USP47: variants seen among roughly 807,000 people sequenced by gnomAD.
USP47 encodes ubiquitin carboxyl-terminal hydrolase 47.
Under a neutral mutation model 165.1 loss-of-function variants are expected in USP47, and 35 were observed. The ratio of observed to expected loss-of-function variants is 0.21; its 90% CI spans 0.16 to 0.28. The LOEUF (loss-of-function observed/expected upper bound fraction) is 0.28. USP47 is among the 10% of genes least tolerant of loss of function. USP47 has a pLI of 1.00. For synonymous variants in USP47, 531 were observed against 544.5 expected (o/e 0.98, Z 0.35); for missense variants, 1,277 against 1,607.4 (o/e 0.79, Z 3.52).
intron 8 of USP47, among the ~76,000 whole-genome samples, chr11:11,910,091 T>G (rs1852851759): frequency 6.6e-6 from 1 of 152,166 alleles, no homozygotes; most frequent in Non-Finnish European, 1.5e-5. Flanking sequence ...GGGAACAAGT[T>G]TAAAAAGTGG....
Position 11,948,150 on chromosome 11 carries a change from A to G in USP47, c.3267+30A>G, listed in dbSNP as rs202188556. Reference sequence around the variant, plus strand: ...ATTAAAATAATCTTCGAGTAGTTAGAGTCTATTTTAAATGATAGATTTGAG... The same window carrying G: ...ATTAAAATAATCTTCGAGTAGTTAGGGTCTATTTTAAATGATAGATTTGAG... On this transcript the variant is annotated intron_variant, in intron 21 of 27. Transcript: ENST00000527733. 7 of 1,583,414 alleles carry G rather than the reference A, an allele frequency of 4.4e-6. No homozygotes were observed. The Admixed American group carries it at 1.1e-4, about 25-fold the overall frequency.
At chr11:11,888,078 A>G (rs1334242468) in intron 3 of USP47, among the ~76,000 whole-genome samples, 1 of 152,178 alleles carries the variant, frequency 6.6e-6, no homozygotes, top group East Asian at 1.9e-4. Context: ...TAAGAAAGAA[A>G]TTTATAGCAC....
In USP47 at chr11:11,930,133, C is replaced by T; in HGVS notation, c.1595+13C>T. On this transcript the variant is annotated intron_variant, in intron 13 of 27. Transcript: ENST00000527733. ...GTGCTTTCGCAAGGTAAGCAATTTC[C>T]TAATTTTCAGTGTTTAAAAGTTAGA... The T allele has an allele frequency of 1.2e-6, 2 of 1,604,006 alleles. No homozygotes were observed. Among genetic ancestry groups the T allele is most frequent in the Non-Finnish European group, 1.7e-6 (2 of 1,171,480 alleles).
intron 1 of USP47, among the ~76,000 whole-genome samples, chr11:11,858,926 C>A (rs966997085): frequency 1.3e-5 from 2 of 152,150 alleles, no homozygotes; most frequent in African/African-American, 4.8e-5. Flanking sequence ...TAAAACACTG[C>A]CAAACTCTTT....
At chr11:11,913,258 C>CAAAAAAAAAAA (rs796881838) in intron 8 of USP47, among the ~76,000 whole-genome samples, 1 of 79,298 alleles carries the variant, frequency 1.3e-5, no homozygotes, top group Non-Finnish European at 2.5e-5. Flanking sequence ...ATCCCTTGTA[C>CAAAAAAAAAAA]AAAAAAAAAA....
chr11:11,887,527 A>G (rs981762152), intron 3 of USP47, among the ~76,000 whole-genome samples: 27 of 152,228 alleles, frequency 1.8e-4, no homozygotes, highest in African/African-American at 6.5e-4. Context: ...AGAGCTAACT[A>G]TCCTAAATAT....
At chr11:11,879,000 A>G (rs930560436) in intron 1 of USP47, among the ~76,000 whole-genome samples, 2 of 152,202 alleles carry the variant, frequency 1.3e-5, no homozygotes, top group African/African-American at 4.8e-5. Context: ...TGTAGAGATC[A>G]TATTTCTGAA....
Position 11,942,716 on chromosome 11 carries a change from G to A in USP47, c.2695G>A (p.Ala899Thr). ...ACCTCTCAATGAGAGGGACTCTTCA[G>A]CATCAGTGGATAATAGAGAACTTGA... ...ESPLNERDSS[A>T]SVDNRELEQH... Residue 899 changes from alanine (A) to threonine (T), a missense_variant, in exon 20 of 28, where the codon GCA becomes ACA. This residue lies in a region of USP47 where 909 missense variants were observed against 1,068.1 expected (regional missense o/e 0.85). Transcript: ENST00000527733. 1 of 1,613,630 alleles carries A rather than the reference G, an allele frequency of 6.2e-7. No individual in the cohort carries two copies. Among genetic ancestry groups the A allele is most frequent in the South Asian group, 1.1e-5 (1 of 91,074 alleles).
intron 1 of USP47, among the ~76,000 whole-genome samples, chr11:11,862,274 A>AAT (rs1383592681): frequency 1.5e-4 from 23 of 152,190 alleles, no homozygotes; most frequent in Admixed American, 1.5e-3. Context: ...TTTCTGAATG[A>AAT]ATATATTTTG....
At chr11:11,863,106 A>G (rs1219590138) in intron 1 of USP47, among the ~76,000 whole-genome samples, 1 of 152,180 alleles carries the variant, frequency 6.6e-6, no homozygotes, top group Non-Finnish European at 1.5e-5. Context: ...TATAGTTTGC[A>G]TTATTTTCCG....
chr11:11,945,096 T>C (rs1030640577), intron 20 of USP47, among the ~76,000 whole-genome samples: 4 of 152,192 alleles, frequency 2.6e-5, no homozygotes, highest in Non-Finnish European at 5.9e-5. Flanking sequence ...CTACAACTTA[T>C]GTATTTGGGC....
chr11:11,872,813 A>G (rs1850154293), intron 1 of USP47, among the ~76,000 whole-genome samples: 1 of 152,206 alleles, frequency 6.6e-6, no homozygotes, highest in Non-Finnish European at 1.5e-5. Flanking sequence ...CTTAAGGAAA[A>G]ATTATACAAA....
chr11:11,875,069 G>A (rs1047247339), intron 1 of USP47, among the ~76,000 whole-genome samples: 8 of 139,002 alleles, frequency 5.8e-5, no homozygotes, highest in Admixed American at 2.1e-4. Flanking sequence ...GTGTGTGTGT[G>A]TGTGTGTGTG....
At chr11:11,921,333 C>G (rs1036128084) in intron 10 of USP47, among the ~76,000 whole-genome samples, 28 of 151,288 alleles carry the variant, frequency 1.9e-4, no homozygotes, top group East Asian at 5.8e-4. Flanking sequence ...TAAACATTCA[C>G]TAAGTTTTAT....
chr11:11,949,704 TA>T (rs1419435733), intron 22 of USP47, among the ~76,000 whole-genome samples, 184 bp from the exon 23 acceptor site: 2 of 152,192 alleles, frequency 1.3e-5, no homozygotes, highest in Non-Finnish European at 2.9e-5. Context: ...AGATTTTAAG[TA>T]AACTTGCCCA....
intron 3 of USP47, chr11:11,884,811 T>C: frequency 2.7e-6 from 1 of 369,932 alleles, no homozygotes. Context: ...ATTTAACATA[T>C]ACTGCTGTCT....
Position 11,956,067 on chromosome 11 carries a change from C to T in USP47, c.3960C>T (p.Ser1320=). The T allele has an allele frequency of 6.2e-7, 1 of 1,603,006 alleles. No individual in the cohort carries two copies. The highest frequency in any genetic ancestry group is 8.5e-7 in the Non-Finnish European group (1 of 1,176,678). The change falls in exon 28 of 28, where the codon AGC becomes AGT. Residue 1320 remains serine, a synonymous_variant. Coordinates refer to ENST00000527733, the MANE Select transcript of USP47 (RefSeq NM_001282659.2). ...GAAATGAACTGATGAAAAAAGAAAG[C>T]AGTCGACTCCAGAAGACTGGACATC... ...EQRNELMKKE[S]SRLQKTGHRV...
chr11:11,937,291 G>T (rs1326659527), intron 17 of USP47, among the ~76,000 whole-genome samples: 1 of 151,830 alleles, frequency 6.6e-6, no homozygotes, highest in African/African-American at 2.4e-5. Context: ...TAACTCCTTT[G>T]CATCAGTGGT....
chr11:11,922,956 C>G (rs750120712), intron 11 of USP47, 65 bp downstream of exon 11: 32 of 1,475,796 alleles, frequency 2.2e-5, no homozygotes, highest in Non-Finnish European at 2.8e-5. Context: ...CTATATAATT[C>G]TATAGCTGTT....
Sources: allele counts gnomAD v4.1 joint callset (sites outside exome capture counted in the v4.1 genomes callset), GRCh38; gene constraint gnomAD v4.1.1; regional missense constraint gnomAD v4.1.1; transcripts MANE v1.5; gene names NCBI Gene and HGNC (gene_info 2026-07-23, HGNC 2026-07-21).